TMEM263: variants seen among roughly 807,000 people sequenced by gnomAD.
TMEM263 encodes UPF0444 transmembrane protein C12orf23.
In TMEM263, 5 loss-of-function variants were observed where a neutral mutation model predicts 8.6. The ratio of observed to expected loss-of-function variants is 0.58; its 90% confidence interval spans 0.31 to 1.23. TMEM263 has a LOEUF of 1.23. Ranked by LOEUF, TMEM263 falls within the 50% of genes most tolerant of loss-of-function variation. The pLI is 0.07. For synonymous variants in TMEM263, 50 were observed against 47.9 expected, an observed-to-expected ratio of 1.04 and a Z score of -0.18; for missense variants, 104 against 138.8, an observed-to-expected ratio of 0.75 and a Z score of 1.26.
intron 3 of TMEM263, among the ~76,000 whole-genome samples, chr12:106,970,033 T>A (rs1032951552): frequency 2.6e-5 from 4 of 152,144 alleles, no homozygotes; most frequent in African/African-American, 9.7e-5. Context: ...TTTTAAGTGT[T>A]AACCATATCT....
chr12:106,970,967 G>A (rs1328120923), intron 3 of TMEM263, 138 bp from the exon 4 acceptor site: 6 of 766,468 alleles, frequency 7.8e-6, no homozygotes, highest in Non-Finnish European at 1.3e-5. Flanking sequence ...GCTCTTCAGT[G>A]TCTTTGAATC....
chr12:106,959,957 T>G (rs1951747882), intron 2 of TMEM263, among the ~76,000 whole-genome samples: 1 of 152,210 alleles, frequency 6.6e-6, no homozygotes, highest in Admixed American at 6.5e-5. Flanking sequence ...TTTATTACTC[T>G]AAGAGTTCTA....
Position 106,971,349 on chromosome 12 carries a change from C to T in TMEM263, c.309C>T (p.Asn103=), listed in dbSNP as rs144528183. 709 of 1,613,432 alleles carry T rather than the reference C, an allele frequency of 4.4e-4. No homozygotes were observed. Among genetic ancestry groups the T allele is most frequent in the Non-Finnish European group, 5.7e-4 (667 of 1,179,668 alleles). ...GVTAVGSAVV[N]KVPLTGKKKD... Reference sequence around the variant, plus strand: ...CAGCTGTTGGGTCTGCTGTTGTAAACAAAGTGCCCTTAACAGGAAAGAAGA... The same window carrying T: ...CAGCTGTTGGGTCTGCTGTTGTAAATAAAGTGCCCTTAACAGGAAAGAAGA... The change falls in exon 4 of 4, where the codon AAC becomes AAT. Residue 103 remains asparagine (N), a synonymous_variant. Coordinates refer to ENST00000280756, the MANE Select transcript of TMEM263 (RefSeq NM_152261.4).
At chr12:106,961,035 C>T (rs960490575) in intron 2 of TMEM263, among the ~76,000 whole-genome samples, 5 of 151,346 alleles carry the variant, frequency 3.3e-5, no homozygotes, top group African/African-American at 1.2e-4. Context: ...CTCTTCTCTT[C>T]GTCCTGTCCT....
chr12:106,959,567 T>C (rs1951741916), intron 2 of TMEM263, among the ~76,000 whole-genome samples: 1 of 152,202 alleles, frequency 6.6e-6, no homozygotes, highest in Admixed American at 6.5e-5. Flanking sequence ...TCTCTACATA[T>C]ATACTCTAAA....
At chr12:106,966,851 A>G in intron 2 of TMEM263, 1 of 351,766 alleles carries the variant, frequency 2.8e-6, no homozygotes, top group Non-Finnish European at 5.1e-6. Context: ...CAGTAACAAC[A>G]TAGGAAAACT....
intron 1 of TMEM263, 90 bp downstream of exon 1, chr12:106,956,155 C>G (rs1345298513): frequency 1.6e-6 from 1 of 638,500 alleles, no homozygotes; most frequent in African/African-American, 2.0e-5. Flanking sequence ...CTGCCCCTCA[C>G]CTCCCAGTGC....
chr12:106,966,958 G>C (rs1472401285), intron 2 of TMEM263, 153 bp from the exon 3 acceptor site: 3 of 590,834 alleles, frequency 5.1e-6, no homozygotes, highest in Non-Finnish European at 8.9e-6. Flanking sequence ...GCAGTTTGAA[G>C]TAGGAGAGAA....
chr12:106,960,229 T>A (rs990215314), intron 2 of TMEM263, among the ~76,000 whole-genome samples: 1 of 152,120 alleles, frequency 6.6e-6, no homozygotes, highest in African/African-American at 2.4e-5. Flanking sequence ...GAGATGGGGT[T>A]TCACCATGTT....
chr12:106,972,419 C>G lies in TMEM263; in HGVS notation c.*1028C>G, dbSNP rs1279085105. On this transcript the variant is annotated 3_prime_UTR_variant, in exon 4 of 4. Coordinates refer to ENST00000280756, the MANE Select transcript of TMEM263 (RefSeq NM_152261.4). Reference sequence around the variant, plus strand: ...ATTAGCAGTACTCCTTTTTTAAAAACACTGTAAAAGTAACCACAAATATGT... The same window carrying G: ...ATTAGCAGTACTCCTTTTTTAAAAAGACTGTAAAAGTAACCACAAATATGT... The G allele has an allele frequency of 6.6e-6, 1 of 152,120 alleles. No homozygotes were observed. The highest frequency in any genetic ancestry group is 2.4e-5 in the African/African-American group (1 of 41,444). 9.4% of individuals were successfully genotyped at this position (152,120 alleles called of 1,614,324 possible).
At chr12:106,962,781 A>C (rs772382690) in intron 2 of TMEM263, among the ~76,000 whole-genome samples, 1 of 152,224 alleles carries the variant, frequency 6.6e-6, no homozygotes, top group Non-Finnish European at 1.5e-5. Flanking sequence ...CTCTGTGTTC[A>C]TCATCTCTGT....
chr12:106,965,547 A>G (rs1210571337), intron 2 of TMEM263, among the ~76,000 whole-genome samples: 1 of 151,526 alleles, frequency 6.6e-6, no homozygotes, highest in Non-Finnish European at 1.5e-5. Flanking sequence ...GCAGAGTTGC[A>G]GTGAGCTGAG....
chr12:106,969,975 G>A (rs1293148743), intron 3 of TMEM263, among the ~76,000 whole-genome samples: 1 of 151,556 alleles, frequency 6.6e-6, no homozygotes, highest in East Asian at 1.9e-4. Flanking sequence ...TTAAAAACTA[G>A]ATACTTAAAG....
Position 106,967,210 on chromosome 12 carries a change from G to C in TMEM263, c.64+30G>C, listed in dbSNP as rs371313595. The C allele has an allele frequency of 2.4e-6, 3 of 1,256,266 alleles. No individual in the cohort carries two copies. The African/African-American group carries it at 4.6e-5, about 19-fold the overall frequency. The allele number at this position is 1,256,266 out of a possible 1,614,324, so 77.8% of individuals were successfully genotyped here. ...GTATGCATCTGTAACACTAAGAATG[G>C]AAAAATATACTGAATTAAAGTTCTG... On this transcript the variant is annotated intron_variant, in intron 3 of 3. Transcript: ENST00000280756.
rs79545524 is a variant in TMEM263, at chr12:106,956,985, G to A, written c.-74-97G>A. On this transcript the variant is annotated intron_variant, in intron 1 of 3. Transcript: ENST00000280756. The stretch of plus-strand genomic sequence containing the variant: ...TAGAAACACCTAGAGAAAAGGGAAG[G>A]GTTCTTAATTTGATTTTTGCGTCCT... 8.0e-5 allele frequency: 58 copies of A among 727,852 alleles called. No homozygotes were observed. The African/African-American group carries it at 1.0e-3, about 13-fold the overall frequency. 45.1% of individuals were successfully genotyped at this position (727,852 alleles called of 1,614,324 possible). A position where few individuals can be genotyped will look rare whatever the true frequency, so the allele number is the denominator to read the frequency against.
intron 1 of TMEM263, 32 bp downstream of exon 1, chr12:106,956,097 C>G: frequency 1.0e-6 from 1 of 962,992 alleles, no homozygotes; most frequent in African/African-American, 1.8e-5. Flanking sequence ...GGCAGGGGCG[C>G]AGTCCCGGCT....
chr12:106,969,660 A>G (rs1379029231), intron 3 of TMEM263, among the ~76,000 whole-genome samples: 1 of 151,262 alleles, frequency 6.6e-6, no homozygotes, highest in East Asian at 1.9e-4. Context: ...CAGGAGGCGG[A>G]GCTTGCAGTG....
At chr12:106,956,407 G>T (rs893984519) in intron 1 of TMEM263, among the ~76,000 whole-genome samples, 1 of 152,186 alleles carries the variant, frequency 6.6e-6, no homozygotes, top group Non-Finnish European at 1.5e-5. Context: ...CCTGGGAGAG[G>T]GATGCAGCGG....
In TMEM263 at chr12:106,964,364, C is replaced by T. The variant is rs574296920; in HGVS notation, c.-6-2747C>T. On this transcript the variant is annotated intron_variant, in intron 2 of 3. Coordinates refer to ENST00000280756, the MANE Select transcript of TMEM263 (RefSeq NM_152261.4). ...GGTCAAGCTGAGATTCAAACTCAGG[C>T]ACTCTGACCCCAAAGCCTTAACCAC... Among the ~76,000 whole-genome samples, 4 of 152,286 alleles carry T rather than the reference C, an allele frequency of 2.6e-5. No individual in the cohort carries two copies. In the East Asian group the frequency reaches 7.7e-4, roughly 29 times the overall value.
Sources: gnomAD v4.1 joint callset for allele counts (sites outside exome capture counted in the v4.1 genomes callset) on GRCh38, gnomAD v4.1.1 for gene constraint, MANE v1.5 for transcripts, NCBI Gene and HGNC (gene_info 2026-07-23, HGNC 2026-07-21) for gene names.